SIRPB2: variants seen among roughly 807,000 people sequenced by gnomAD.
SIRPB2 encodes the protein signal regulatory protein beta 2.
A neutral mutation model predicts 27.1 loss-of-function variants in SIRPB2; 18 were observed. That is an observed-to-expected ratio of 0.66 (90% CI 0.46 to 0.98). The LOEUF (loss-of-function observed/expected upper bound fraction) is 0.98, where lower values mean the gene tolerates loss of function less well. SIRPB2 is among the 50% of genes least tolerant of loss of function. SIRPB2 has a pLI of 0.00. For missense variants in SIRPB2, 420 were observed against 417.4 expected (o/e 1.01, Z -0.06); for synonymous variants, 150 against 164.6 (o/e 0.91, Z 0.68).
intron 1 of SIRPB2, chr20:1,480,385 A>G (rs898891480): frequency 7.4e-6 from 2 of 271,604 alleles, no homozygotes; most frequent in African/African-American, 4.3e-5. Flanking sequence ...GACAGAGGAA[A>G]CTGAGGGTCC....
Position 1,479,868 on chromosome 20 carries a change from C to T in SIRPB2, c.283G>A (p.Val95Ile), listed in dbSNP as rs1321261447. The T allele has an allele frequency of 3.7e-6, 6 of 1,614,218 alleles. No individual in the cohort carries two copies. Among genetic ancestry groups the T allele is most frequent in the South Asian group, 3.3e-5 (3 of 91,092 alleles). The change falls in exon 2 of 5, where the codon GTA becomes ATA. Residue 95 changes from valine (V) to isoleucine (I), a missense_variant. Val to Ile is a conservative substitution (Grantham distance 29). Coordinates refer to ENST00000359801, the MANE Select transcript of SIRPB2 (RefSeq NM_001122962.2). ...GATGTCCGTTGGATCATGGGCATTA[C>T]CCCAGGGAAGGAGCCACGTTTAAAG... The part of the protein sequence containing the change: ...YNFKRGSFPG[V>I]MPMIQRTSEP...
intron 3 of SIRPB2, 96 bp downstream of exon 3, chr20:1,478,170 G>C (rs1265722144): frequency 1.7e-5 from 19 of 1,120,192 alleles, no homozygotes; most frequent in Non-Finnish European, 2.5e-5. Context: ...TAAAGACATG[G>C]AGGCTGTGAA....
chr20:1,478,350 C>T lies in SIRPB2; in HGVS notation c.709G>A (p.Ala237Thr), dbSNP rs2090630001. ...ILLQNVSSED[A>T]GTYYCVKFQR... ...AACTTTACACAGTAATAGGTGCCTG[C>T]ATCCTCACTGGAGACGTTTTGCAGA... The change falls in exon 3 of 5, where the codon GCA (alanine) becomes ACA (threonine). Residue 237 changes from alanine to threonine, a missense_variant. By Grantham distance (58) the Ala-to-Thr change is moderately conservative (BLOSUM62 0). Transcript: ENST00000359801. 2.5e-6 allele frequency: 4 copies of T among 1,614,102 alleles called. No homozygotes were observed. Among genetic ancestry groups the T allele is most frequent in the Admixed American group, 1.7e-5 (1 of 60,010 alleles).
rs748263235 is a variant in SIRPB2, at chr20:1,479,814, A to G, written c.337T>C (p.Tyr113His). 2.5e-6 allele frequency: 4 copies of G among 1,614,278 alleles called. No individual in the cohort carries two copies. The highest frequency in any genetic ancestry group is 1.7e-5 in the Admixed American group (1 of 60,036). ...SEPLNCDYSI[Y>H]IHNVTREHTG... ...TGCTCCCTGGTGACATTGTGGATATAGATGGAATAATCACAATTCAGTGGT... is the reference window on the plus strand; with the variant it reads ...TGCTCCCTGGTGACATTGTGGATATGGATGGAATAATCACAATTCAGTGGT... Residue 113 changes from tyrosine (Y) to histidine (H), a missense_variant, in exon 2 of 5, where the codon TAT (tyrosine) becomes CAT (histidine). Coordinates refer to ENST00000359801, the MANE Select transcript of SIRPB2 (RefSeq NM_001122962.2).
Position 1,479,597 on chromosome 20 carries a change from G to A in SIRPB2, c.451+103C>T, listed in dbSNP as rs538442640. The A allele has an allele frequency of 2.8e-5, 42 of 1,494,514 alleles. 1 individual carries two copies. The South Asian group carries it at 5.0e-4, about 18-fold the overall frequency. 92.6% of individuals were successfully genotyped at this position (1,494,514 alleles called of 1,614,324 possible). A position where few individuals can be genotyped will look rare whatever the true frequency, so the allele number is the denominator to read the frequency against. On this transcript the variant is annotated intron_variant, in intron 2 of 4. Coordinates refer to ENST00000359801, the MANE Select transcript of SIRPB2 (RefSeq NM_001122962.2). ...GAGATACAAATATGTATTGTTGTAT[G>A]CCACTGAAATTTTGTGTGATACAGC...
intron 1 of SIRPB2, among the ~76,000 whole-genome samples, chr20:1,480,670 C>T (rs959186244): frequency 1.3e-5 from 2 of 152,140 alleles, no homozygotes; most frequent in African/African-American, 2.4e-5. Context: ...TGAGGAGAGG[C>T]GCCTCAGACA....
intron 1 of SIRPB2, among the ~76,000 whole-genome samples, chr20:1,485,924 A>G (rs2090721491): frequency 6.6e-6 from 1 of 152,118 alleles, no homozygotes; most frequent in African/African-American, 2.4e-5. Flanking sequence ...ATACACTGCC[A>G]AAGCTTTCTC....
chr20:1,490,830 T>A (rs1383737570), intron 1 of SIRPB2, among the ~76,000 whole-genome samples: 1 of 152,232 alleles, frequency 6.6e-6, no homozygotes, highest in Non-Finnish European at 1.5e-5. Flanking sequence ...ACTGCTCTGC[T>A]GTGTTGCTCA....
In SIRPB2 at chr20:1,479,932, C is replaced by G. The variant is rs768396515; in HGVS notation, c.219G>C (p.Trp73Cys). 6 of 1,614,176 alleles carry G rather than the reference C, an allele frequency of 3.7e-6. No individual in the cohort carries two copies. Among genetic ancestry groups the G allele is most frequent in the Non-Finnish European group, 5.1e-6 (6 of 1,180,032 alleles). ...VGSCTDGMIKWVKVSTQDQQE... is the reference protein window; with the variant it reads ...VGSCTDGMIKCVKVSTQDQQE... ...GTTGGTCCTGAGTGCTCACCTTCAC[C>G]CATTTTATCATACCATCAGTGCAGG... Residue 73 changes from tryptophan to cysteine, a missense_variant, in exon 2 of 5, where the codon TGG becomes TGC. By Grantham distance (215) the Trp-to-Cys change is radical. Transcript: ENST00000359801.
In SIRPB2 at chr20:1,491,330, G is replaced by A. The variant is rs929947013; in HGVS notation, c.30C>T (p.Cys10=). 1.2e-6 allele frequency: 2 copies of A among 1,610,822 alleles called. No homozygotes were observed. The highest frequency in any genetic ancestry group is 1.7e-6 in the Non-Finnish European group (2 of 1,178,872). The change falls in exon 1 of 5, where the codon TGC becomes TGT. Residue 10 remains cysteine (C), a synonymous_variant. Transcript: ENST00000359801. ...GGAAGCAGGGAGGCAAGTGGGCCAG[G>A]CAGGTGGGGGCCGACATCGTGGAGC... is the stretch of plus-strand genomic sequence containing the variant. MCSTMSAPT[C]LAHLPPCFLL...
rs577418691 is a variant in SIRPB2 at position 1,477,509 on chromosome 20, T to G, written c.794-106A>C. The G allele has an allele frequency of 1.3e-4, 202 of 1,518,982 alleles. 2 individuals carry two copies. In the South Asian group the frequency reaches 2.4e-3, roughly 18 times the overall value. The allele number at this position is 1,518,982 out of a possible 1,614,324, so 94.1% of individuals were successfully genotyped here. On this transcript the variant is annotated intron_variant, in intron 3 of 4. Coordinates refer to ENST00000359801, the MANE Select transcript of SIRPB2 (RefSeq NM_001122962.2). ...TGGGATGAGTCTGCCAGTTTCTATG[T>G]GGGTATGGGCTAGAAGTCAAACCCT...
At chr20:1,483,583 T>A (rs1367291535) in intron 1 of SIRPB2, among the ~76,000 whole-genome samples, 1 of 152,228 alleles carries the variant, frequency 6.6e-6, no homozygotes, top group Non-Finnish European at 1.5e-5. Flanking sequence ...TGCTCATTTT[T>A]AATTAGATTA....
chr20:1,478,631 G>A (rs1177653940), intron 2 of SIRPB2, 24 bp from the exon 3 acceptor site: 11 of 1,516,524 alleles, frequency 7.3e-6, no homozygotes, highest in Non-Finnish European at 9.8e-6. Context: ...GGAGGTCCTT[G>A]TTGAATTCCC....
At position 1,479,919 on chromosome 20, in the gene SIRPB2, T is replaced by C; in HGVS notation, c.232A>G (p.Thr78Ala). 1.2e-6 allele frequency: 2 copies of C among 1,614,202 alleles called. No individual in the cohort carries two copies. The highest frequency in any genetic ancestry group is 1.7e-6 in the Non-Finnish European group (2 of 1,180,042). ...TTATAAATTTCCTGTTGGTCCTGAG[T>C]GCTCACCTTCACCCATTTTATCATA... Reference protein sequence around the residue: ...DGMIKWVKVSTQDQQEIYNFK... With the variant: ...DGMIKWVKVSAQDQQEIYNFK... The change falls in exon 2 of 5, where the codon ACT (threonine) becomes GCT (alanine). Residue 78 changes from threonine to alanine, a missense_variant. Physicochemically the swap from Thr to Ala is moderately conservative, Grantham distance 58. Coordinates refer to ENST00000359801, the MANE Select transcript of SIRPB2 (RefSeq NM_001122962.2).
intron 1 of SIRPB2, among the ~76,000 whole-genome samples, chr20:1,481,753 T>C (rs1192146579): frequency 1.3e-5 from 2 of 152,188 alleles, no homozygotes; most frequent in Non-Finnish European, 2.9e-5. Context: ...ATCCTAGGGA[T>C]TGCTTCTGTC....
At chr20:1,474,030 C>T (rs1260816070), downstream of SIRPB2, among the ~76,000 whole-genome samples, 1 of 152,182 alleles carries the variant, frequency 6.6e-6, no homozygotes, top group Non-Finnish European at 1.5e-5. Flanking sequence ...ATTCCTTAAC[C>T]TGTGGTCACA....
chr20:1,479,945 C>T lies in SIRPB2; in HGVS notation c.206G>A (p.Gly69Asp), dbSNP rs1461634365. ...GCTCACCTTCACCCATTTTATCATA[C>T]CATCAGTGCAGGAGCCGACCACCAT... ...RCMVVGSCTD[G>D]MIKWVKVSTQ... Residue 69 changes from glycine (G) to aspartate (D), a missense_variant, in exon 2 of 5, where the codon GGT (glycine) becomes GAT (aspartate). Gly to Asp is a moderately conservative substitution (Grantham distance 94). Coordinates refer to ENST00000359801, the MANE Select transcript of SIRPB2 (RefSeq NM_001122962.2). 1 of 1,614,072 alleles carries T rather than the reference C, an allele frequency of 6.2e-7. No homozygotes were observed. Among genetic ancestry groups the T allele is most frequent in the Non-Finnish European group, 8.5e-7 (1 of 1,180,048 alleles).
chr20:1,483,318 G>A (rs1444360065), intron 1 of SIRPB2, among the ~76,000 whole-genome samples: 1 of 150,970 alleles, frequency 6.6e-6, no homozygotes, highest in Non-Finnish European at 1.5e-5. Flanking sequence ...TGTTGGTCAG[G>A]CTGGTCTCGA....
At chr20:1,478,944 C>T (rs908036575) in intron 2 of SIRPB2, among the ~76,000 whole-genome samples, 1 of 152,174 alleles carries the variant, frequency 6.6e-6, no homozygotes, top group African/African-American at 2.4e-5. Flanking sequence ...CATCATAGCT[C>T]GGAAGAAGCC....
Sources: gnomAD v4.1 joint callset for allele counts (sites outside exome capture counted in the v4.1 genomes callset) on GRCh38, gnomAD v4.1.1 for gene constraint, MANE v1.5 for transcripts, NCBI Gene and HGNC (gene_info 2026-07-23, HGNC 2026-07-21) for gene names.